The following MSRA variants were observed in gnomAD, a reference collection of about 807,000 sequenced individuals.
The protein encoded by MSRA is mitochondrial peptide methionine sulfoxide reductase.
A neutral mutation model predicts 31.3 loss-of-function variants in MSRA; 54 were observed. That is an observed-to-expected ratio of 1.73 (90% CI 1.39 to 2.17). The LOEUF (loss-of-function observed/expected upper bound fraction) is 2.17. Among genes scored for constraint, MSRA ranks in the 30% most tolerant of loss-of-function variants. The pLI is 0.00. For synonymous variants in MSRA, 169 were observed against 116.5 expected (o/e 1.45, Z -2.90); for missense variants, 507 against 300.9 (o/e 1.69, Z -5.07).
intron 1 of MSRA, among the ~76,000 whole-genome samples, chr8:10,122,930 C>T (rs1007134058): frequency 6.6e-6 from 1 of 152,166 alleles, no homozygotes; most frequent in Non-Finnish European, 1.5e-5. Flanking sequence ...TTTTTACATT[C>T]TGTCATTGGG....
intron 3 of MSRA, among the ~76,000 whole-genome samples, chr8:10,268,552 T>C (rs2952183): frequency 0.83 from 126,548 of 152,214 alleles, 52,892 homozygotes; most frequent in East Asian, 0.96. Context: ...CCCTATCATC[T>C]AGACTAGCGC....
rs186891709 is a variant in MSRA, at chr8:10,219,344, C to A, written c.211+11443C>A. ...CACAGAAGGTGTAGGTAAAACTGTT[C>A]GTGGTTATCACTGCCAAATTTTTGG... On this transcript the variant is annotated intron_variant, in intron 2 of 5. Coordinates refer to ENST00000317173, the MANE Select transcript of MSRA (RefSeq NM_012331.5). Among the ~76,000 whole-genome samples the A allele has an allele frequency of 6.6e-5, 10 of 152,204 alleles. No individual in the cohort carries two copies. In the East Asian group the frequency reaches 1.9e-3, roughly 29 times the overall value.
chr8:10,141,884 C>A (rs1479388654), intron 1 of MSRA, among the ~76,000 whole-genome samples: 1 of 152,294 alleles, frequency 6.6e-6, no homozygotes, highest in East Asian at 1.9e-4. Context: ...AGTAGGCACT[C>A]AGTCAATGTT....
rs183798407 is a variant in MSRA, at chr8:10,236,954, A to G, written c.212-8150A>G. Among the ~76,000 whole-genome samples, 6 of 152,346 alleles carry G rather than the reference A, an allele frequency of 3.9e-5. No homozygotes were observed. In the East Asian group the frequency reaches 9.6e-4, roughly 24 times the overall value. On this transcript the variant is annotated intron_variant, in intron 2 of 5. Coordinates refer to ENST00000317173, the MANE Select transcript of MSRA (RefSeq NM_012331.5). ...CTATGTTATTGTTTTCATAGTAGTA[A>G]AATAAAACCTTGCGTAAGTCCTCAT...
chr8:10,063,598 G>T (rs1332423833), intron 1 of MSRA, among the ~76,000 whole-genome samples: 1 of 152,176 alleles, frequency 6.6e-6, no homozygotes, highest in Non-Finnish European at 1.5e-5. Context: ...GGCTTTGGGA[G>T]GTGATTAGTC....
intron 1 of MSRA, among the ~76,000 whole-genome samples, chr8:10,151,822 T>C (rs896260591): frequency 1.3e-5 from 2 of 152,198 alleles, no homozygotes; most frequent in Admixed American, 6.5e-5. Flanking sequence ...TCTGCGTGTG[T>C]CACTTGATGA....
chr8:10,062,774 G>A (rs1317638327), intron 1 of MSRA, among the ~76,000 whole-genome samples: 1 of 152,146 alleles, frequency 6.6e-6, no homozygotes, highest in Non-Finnish European at 1.5e-5. Context: ...TAACTAGATG[G>A]AATTTCTGCA....
At chr8:10,149,334 G>T (rs930521099) in intron 1 of MSRA, among the ~76,000 whole-genome samples, 1 of 152,074 alleles carries the variant, frequency 6.6e-6, no homozygotes. Flanking sequence ...TGTTGACCAG[G>T]CTGGTCTCAA....
intron 5 of MSRA, among the ~76,000 whole-genome samples, chr8:10,332,364 T>C (rs1249577153): frequency 6.6e-6 from 1 of 152,216 alleles, no homozygotes; most frequent in Non-Finnish European, 1.5e-5. Context: ...TTATCTGTGC[T>C]TTTGTTTAAA....
chr8:10,129,601 G>T (rs934482757), intron 1 of MSRA, among the ~76,000 whole-genome samples: 1 of 152,082 alleles, frequency 6.6e-6, no homozygotes, highest in Non-Finnish European at 1.5e-5. Context: ...TCTCATGCAG[G>T]CTTAGAGCAC....
intron 5 of MSRA, among the ~76,000 whole-genome samples, chr8:10,362,175 C>A (rs1243538051): frequency 3.3e-5 from 5 of 152,238 alleles, no homozygotes; most frequent in African/African-American, 9.6e-5. Flanking sequence ...AATCTCTGCA[C>A]CACTGAGTTG....
chr8:10,123,426 C>T (rs767130967), intron 1 of MSRA, among the ~76,000 whole-genome samples: 1 of 152,142 alleles, frequency 6.6e-6, no homozygotes, highest in African/African-American at 2.4e-5. Context: ...AGACCTTTGT[C>T]AAATGCATAG....
chr8:10,334,446 G>A (rs1178303628), intron 5 of MSRA, among the ~76,000 whole-genome samples: 1 of 151,976 alleles, frequency 6.6e-6, no homozygotes, highest in Non-Finnish European at 1.5e-5. Flanking sequence ...GCGGGGGGGA[G>A]GTGCAGGGAC....
At chr8:10,249,177 T>A (rs1236773555) in intron 3 of MSRA, among the ~76,000 whole-genome samples, 1 of 152,202 alleles carries the variant, frequency 6.6e-6, no homozygotes, top group Admixed American at 6.5e-5. Context: ...AACTTTCTAA[T>A]CTTTTGTCCT....
chr8:10,105,610 A>G (rs951349479), intron 1 of MSRA, among the ~76,000 whole-genome samples: 1 of 152,172 alleles, frequency 6.6e-6, no homozygotes, highest in Admixed American at 6.5e-5. Context: ...GGCCCTTAGA[A>G]AGAATGTTCT....
chr8:10,139,568 G>A (rs1802533401), intron 1 of MSRA, among the ~76,000 whole-genome samples: 1 of 152,066 alleles, frequency 6.6e-6, no homozygotes, highest in African/African-American at 2.4e-5. Context: ...CACTCTCTAT[G>A]TCCATGTATA....
chr8:10,217,540 T>A (rs934007012), intron 2 of MSRA, among the ~76,000 whole-genome samples: 40 of 152,230 alleles, frequency 2.6e-4, no homozygotes, highest in African/African-American at 8.7e-4. Context: ...TTTGCAATTG[T>A]GAAAGATTTC....
intron 1 of MSRA, among the ~76,000 whole-genome samples, chr8:10,127,514 G>T (rs1801586909): frequency 6.6e-6 from 1 of 152,140 alleles, no homozygotes; most frequent in Non-Finnish European, 1.5e-5. Context: ...GATCATGCTG[G>T]TGGTCATCTT....
intron 1 of MSRA, among the ~76,000 whole-genome samples, chr8:10,094,291 A>G (rs1193471398): frequency 1.3e-5 from 2 of 152,218 alleles, no homozygotes; most frequent in African/African-American, 4.8e-5. Context: ...ATCCGTTCCC[A>G]TAACTTATTT....
Sources: allele counts gnomAD v4.1 joint callset (sites outside exome capture counted in the v4.1 genomes callset), GRCh38; gene constraint gnomAD v4.1.1; transcripts MANE v1.5; gene names NCBI Gene and HGNC (gene_info 2026-07-23, HGNC 2026-07-21).